ARHGAP24: variants seen among roughly 807,000 people sequenced by gnomAD.
ARHGAP24 encodes the protein rho GTPase-activating protein 24.
In ARHGAP24, 50 loss-of-function variants were observed where a neutral mutation model predicts 76.4. The ratio of observed to expected loss-of-function variants is 0.65; its 90% CI spans 0.52 to 0.83. ARHGAP24 has a LOEUF of 0.83. Ranked by LOEUF, ARHGAP24 falls within the 40% of genes least tolerant of loss-of-function variation. The probability of loss-of-function intolerance (pLI) is 0.00; values close to 1 mark genes in which losing one functional copy is unlikely to be tolerated. For missense variants in ARHGAP24, 930 were observed against 914.2 expected (o/e 1.02, Z -0.22); for synonymous variants, 345 against 323.3 (o/e 1.07, Z -0.72).
At chr4:85,737,043 A>T (rs1352189915) in intron 3 of ARHGAP24, among the ~76,000 whole-genome samples, 1 of 152,176 alleles carries the variant, frequency 6.6e-6, no homozygotes, top group East Asian at 1.9e-4. Context: ...AAATCAATTG[A>T]TGTGAAGGTA....
At chr4:85,846,426 G>T (rs961160872) in intron 3 of ARHGAP24, among the ~76,000 whole-genome samples, 1 of 152,104 alleles carries the variant, frequency 6.6e-6, no homozygotes, top group African/African-American at 2.4e-5. Flanking sequence ...TTTGTTGAGA[G>T]ATACTACTTT....
intron 2 of ARHGAP24, among the ~76,000 whole-genome samples, chr4:85,670,270 C>T (rs929435845): frequency 1.3e-5 from 2 of 152,114 alleles, no homozygotes; most frequent in African/African-American, 4.8e-5. Flanking sequence ...TCCTGTCAAC[C>T]TTCAGGTTAG....
At chr4:85,726,957 T>C (rs970966876) in intron 3 of ARHGAP24, among the ~76,000 whole-genome samples, 2 of 152,000 alleles carry the variant, frequency 1.3e-5, no homozygotes, top group African/African-American at 4.8e-5. Context: ...TCACCTGAGG[T>C]GATCCTGAGG....
At chr4:85,831,727 C>G (rs1340337258) in intron 3 of ARHGAP24, among the ~76,000 whole-genome samples, 1 of 152,056 alleles carries the variant, frequency 6.6e-6, no homozygotes, top group African/African-American at 2.4e-5. Flanking sequence ...CATAGCAAAA[C>G]TCAGTCTCTA....
At chr4:85,577,141 A>T (rs2109968603) in intron 2 of ARHGAP24, among the ~76,000 whole-genome samples, 2 of 150,812 alleles carry the variant, frequency 1.3e-5, no homozygotes, top group Non-Finnish European at 3.0e-5. Context: ...TTTTAAGTGA[A>T]CACATATTTA....
At chr4:85,826,335 C>T (rs1003939277) in intron 3 of ARHGAP24, among the ~76,000 whole-genome samples, 2 of 152,108 alleles carry the variant, frequency 1.3e-5, no homozygotes, top group East Asian at 1.9e-4. Context: ...GGATGCCAGG[C>T]GAACTATGTA....
At chr4:85,577,504 T>A (rs1727428734) in intron 2 of ARHGAP24, among the ~76,000 whole-genome samples, 1 of 152,172 alleles carries the variant, frequency 6.6e-6, no homozygotes, top group Non-Finnish European at 1.5e-5. Context: ...TAGATAGTAC[T>A]GAGTCACATG....
chr4:85,977,743 T>C, intron 8 of ARHGAP24, 52 bp downstream of exon 8: 1 of 1,597,802 alleles, frequency 6.3e-7, no homozygotes, highest in South Asian at 1.1e-5. Context: ...TAATTATCTC[T>C]TGACTGGCCA....
chr4:85,834,633 TGTGACGTCCAC>T (rs1249565990), intron 3 of ARHGAP24, among the ~76,000 whole-genome samples: 3 of 152,214 alleles, frequency 2.0e-5, no homozygotes, highest in African/African-American at 7.2e-5. Context: ...AGAGAAGATC[TGTGACGTCCAC>T]GTGGTTTCTG....
At chr4:85,485,264 C>T (rs574851232) in intron 1 of ARHGAP24, among the ~76,000 whole-genome samples, 6 of 138,278 alleles carry the variant, frequency 4.3e-5, no homozygotes, top group Non-Finnish European at 7.6e-5. Flanking sequence ...AGGAGAATGG[C>T]GTGAACCTGG....
chr4:85,698,410 C>T (rs1348718780), intron 2 of ARHGAP24, among the ~76,000 whole-genome samples: 1 of 152,172 alleles, frequency 6.6e-6, no homozygotes, highest in African/African-American at 2.4e-5. Flanking sequence ...AGATCATTAA[C>T]ATGATTTTGT....
At chr4:85,685,703 C>T (rs1650868522) in intron 2 of ARHGAP24, among the ~76,000 whole-genome samples, 1 of 151,620 alleles carries the variant, frequency 6.6e-6, no homozygotes, top group Non-Finnish European at 1.5e-5. Flanking sequence ...TCTCCTGGTC[C>T]CAAAATCAGT....
intron 2 of ARHGAP24, among the ~76,000 whole-genome samples, chr4:85,583,124 G>A (rs1293308588): frequency 1.3e-5 from 2 of 152,024 alleles, no homozygotes; most frequent in East Asian, 3.8e-4. Context: ...CAATATTACT[G>A]AGCTCAGAAA....
chr4:85,827,953 A>G (rs1379813772), intron 3 of ARHGAP24: 4 of 1,289,604 alleles, frequency 3.1e-6, no homozygotes, highest in Admixed American at 4.6e-5. Flanking sequence ...GTCACTGACC[A>G]CTGAAGTGTA....
At chr4:85,804,676 A>G (rs1412876615) in intron 3 of ARHGAP24, among the ~76,000 whole-genome samples, 1 of 152,240 alleles carries the variant, frequency 6.6e-6, no homozygotes, top group East Asian at 1.9e-4. Flanking sequence ...CAATCAATTA[A>G]TTTTTAAAAG....
intron 1 of ARHGAP24, among the ~76,000 whole-genome samples, chr4:85,502,810 G>T (rs1378196510): frequency 6.6e-6 from 1 of 152,150 alleles, no homozygotes; most frequent in South Asian, 2.1e-4. Flanking sequence ...TTTTCAAAGG[G>T]AATGCTTCAA....
intron 7 of ARHGAP24, among the ~76,000 whole-genome samples, chr4:85,976,342 A>G (rs13137855): frequency 0.21 from 31,830 of 152,072 alleles, 3,601 homozygotes; most frequent in South Asian, 0.39. Flanking sequence ...CTCTGGTGTC[A>G]CATCCTCCGG....
chr4:85,705,725 A>G (rs1017426802), intron 2 of ARHGAP24, among the ~76,000 whole-genome samples: 1 of 152,198 alleles, frequency 6.6e-6, no homozygotes, highest in African/African-American at 2.4e-5. Flanking sequence ...GTTGTACCTA[A>G]CAAGGAGTAA....
intron 2 of ARHGAP24, among the ~76,000 whole-genome samples, chr4:85,687,044 A>G (rs1015284339): frequency 4.6e-5 from 7 of 152,124 alleles, no homozygotes; most frequent in African/African-American, 1.7e-4. Flanking sequence ...ACCTGTATCA[A>G]CTTCAAGAAA....
Sources: gnomAD v4.1 joint callset for allele counts (sites outside exome capture counted in the v4.1 genomes callset) on GRCh38, gnomAD v4.1.1 for gene constraint, MANE v1.5 for transcripts, NCBI Gene and HGNC (gene_info 2026-07-23, HGNC 2026-07-21) for gene names.